Variants in CHD1L observed in about 807,000 individuals in gnomAD.
The protein encoded by CHD1L is chromodomain helicase DNA binding protein 1 like, also known as ATP-dependent chromatin remodeler CHD1L.
Under a neutral mutation model 115.9 loss-of-function variants are expected in CHD1L, and 118 were observed. The ratio of observed to expected loss-of-function variants is 1.02; its 90% CI spans 0.88 to 1.19. CHD1L has a LOEUF of 1.19. CHD1L is among the 50% of genes most tolerant of loss of function. CHD1L has a pLI of 0.00. For missense variants in CHD1L, 1,179 were observed against 1,065.3 expected, an observed-to-expected ratio of 1.11 and a Z score of -1.49; for synonymous variants, 411 against 387.1, an observed-to-expected ratio of 1.06 and a Z score of -0.72.
chr1:147,190,998 A>G, the CHD1L span, among the ~76,000 whole-genome samples: 1 of 152,038 alleles, frequency 6.6e-6, no homozygotes, highest in African/African-American at 2.4e-5. Context: ...CCATGTCCCT[A>G]CAAAGGACAT....
At chr1:147,245,326 A>G (rs960556436) in intron 1 of CHD1L, among the ~76,000 whole-genome samples, 4 of 152,198 alleles carry the variant, frequency 2.6e-5, no homozygotes, top group Non-Finnish European at 5.9e-5. Context: ...CCACTTAGCT[A>G]CTACCTCATG....
chr1:147,284,940 A>G (rs1312042603), intron 16 of CHD1L, among the ~76,000 whole-genome samples: 1 of 152,228 alleles, frequency 6.6e-6, no homozygotes, highest in Non-Finnish European at 1.5e-5. Context: ...TACAATCTTA[A>G]AAAAGTTACA....
At chr1:147,216,615 G>T in the CHD1L span, among the ~76,000 whole-genome samples, 2 of 152,090 alleles carry the variant, frequency 1.3e-5, no homozygotes, top group African/African-American at 2.4e-5. Flanking sequence ...TATGTTAAAG[G>T]ATGTTAATAC....
intron 14 of CHD1L, among the ~76,000 whole-genome samples, chr1:147,276,972 G>A (rs1352792788): frequency 1.3e-4 from 20 of 152,204 alleles, no homozygotes; most frequent in African/African-American, 4.8e-4. Context: ...CAGCATCAGT[G>A]GGAGAGTCTG....
At chr1:147,291,964 CGGGGGGT>C (rs1377618642) in intron 20 of CHD1L, among the ~76,000 whole-genome samples, 2 of 151,732 alleles carry the variant, frequency 1.3e-5, no homozygotes, top group African/African-American at 4.8e-5. Flanking sequence ...ACATGAGGTA[CGGGGGGT>C]TGGGGCTTCA....
chr1:147,225,002 CA>C, the CHD1L span: 1 of 1,613,948 alleles, frequency 6.2e-7, no homozygotes, highest in South Asian at 1.1e-5. Flanking sequence ...ACTCCTCCCC[CA>C]ATCACAGCAA....
rs1553967266 is a variant in CHD1L, at chr1:147,287,736, A to G, written c.2320+3A>G. On this transcript the variant is annotated splice_donor_region_variant and intron_variant, in intron 19 of 22. Coordinates refer to ENST00000369258, the MANE Select transcript of CHD1L (RefSeq NM_004284.6). ...TGAGCTGGCTGGGAAAATGAAAGGT[A>G]AGAAGCAAAGCAGAGGGAAAGGTTA... 4 of 1,613,190 alleles carry G rather than the reference A, an allele frequency of 2.5e-6. No homozygotes were observed. Among genetic ancestry groups the G allele is most frequent in the Non-Finnish European group, 3.4e-6 (4 of 1,179,460 alleles).
chr1:147,208,920 G>T, the CHD1L span: 2 of 1,614,042 alleles, frequency 1.2e-6, no homozygotes, highest in Admixed American at 3.3e-5. Flanking sequence ...CCAAATATTT[G>T]TTTGCTAATG....
chr1:147,275,613 G>T, intron 13 of CHD1L, 145 bp downstream of exon 13: 1 of 617,076 alleles, frequency 1.6e-6, no homozygotes, highest in East Asian at 2.8e-5. Flanking sequence ...TTGACTCCTA[G>T]GGTAGTATTG....
At chr1:147,265,833 G>A in intron 7 of CHD1L, 99 bp from the exon 8 acceptor site, 2 of 1,145,604 alleles carry the variant, frequency 1.7e-6, no homozygotes, top group Admixed American at 2.9e-5. Flanking sequence ...AAATAAGCGT[G>A]AAATAAGAAA....
chr1:147,246,721 TTTG>T (rs782484164), intron 1 of CHD1L, among the ~76,000 whole-genome samples: 8 of 152,308 alleles, frequency 5.3e-5, no homozygotes, highest in East Asian at 3.9e-4. Context: ...AATAGGATCC[TTTG>T]TTGTTGTTGT....
At chr1:147,187,064 T>A in the CHD1L span, 1 of 1,614,156 alleles carries the variant, frequency 6.2e-7, no homozygotes. Flanking sequence ...CCATCCCACT[T>A]TCCAGGGCCC....
the CHD1L span, chr1:147,186,951 G>A: frequency 6.2e-7 from 1 of 1,614,152 alleles, no homozygotes; most frequent in Non-Finnish European, 8.5e-7. Flanking sequence ...GCATAAACTT[G>A]CCTATTGTCA....
intron 1 of CHD1L, among the ~76,000 whole-genome samples, chr1:147,249,467 G>A (rs1331839979): frequency 2.8e-5 from 4 of 142,182 alleles, no homozygotes; most frequent in Non-Finnish European, 6.0e-5. Context: ...GCGCAGTGGC[G>A]CTATCTCAGC....
chr1:147,207,477 T>C, the CHD1L span, among the ~76,000 whole-genome samples: 1 of 152,204 alleles, frequency 6.6e-6, no homozygotes, highest in Non-Finnish European at 1.5e-5. Flanking sequence ...CCCCATCCTT[T>C]GTACTTTCAT....
At chr1:147,193,602 G>T in the CHD1L span, among the ~76,000 whole-genome samples, 1 of 152,040 alleles carries the variant, frequency 6.6e-6, no homozygotes, top group Non-Finnish European at 1.5e-5. Flanking sequence ...TGATGTTAGG[G>T]TGTCAATTTT....
the CHD1L span, among the ~76,000 whole-genome samples, chr1:147,229,368 A>G: frequency 6.6e-6 from 1 of 152,190 alleles, no homozygotes; most frequent in South Asian, 2.1e-4. Flanking sequence ...ATTGATCTAT[A>G]TCTCTGTTTT....
chr1:147,192,807 A>G, the CHD1L span, among the ~76,000 whole-genome samples: 2 of 152,116 alleles, frequency 1.3e-5, no homozygotes, highest in Non-Finnish European at 2.9e-5. Context: ...TATATGCTGG[A>G]TTACATTTAT....
the CHD1L span, chr1:147,205,036 A>G: frequency 1.4e-6 from 1 of 699,028 alleles, no homozygotes; most frequent in East Asian, 2.6e-5. Context: ...TCACTCTTCC[A>G]TCTTTGCTAT....
Sources: gnomAD v4.1 joint callset for allele counts (sites outside exome capture counted in the v4.1 genomes callset) on GRCh38, gnomAD v4.1.1 for gene constraint, MANE v1.5 for transcripts, NCBI Gene and HGNC (gene_info 2026-07-23, HGNC 2026-07-21) for gene names.